ZNF536: variants seen among roughly 807,000 people sequenced by gnomAD.
ZNF536 encodes the protein zinc finger protein 536.
Under a neutral mutation model 84.5 loss-of-function variants are expected in ZNF536, and 13 were observed. The ratio of observed to expected loss-of-function variants is 0.15; its 90% CI spans 0.10 to 0.24. The LOEUF is 0.24. Among genes scored for constraint, ZNF536 ranks in the 10% least tolerant of loss-of-function variants. The probability of loss-of-function intolerance (pLI) is 1.00; values close to 1 mark genes in which losing one functional copy is unlikely to be tolerated. For missense variants in ZNF536, 1,536 were observed against 1,747.5 expected (o/e 0.88, Z 2.16); for synonymous variants, 811 against 742.5 (o/e 1.09, Z -1.50).
chr19:30,633,145 C>T (rs903362802), intron 1 of ZNF536, among the ~76,000 whole-genome samples: 5 of 152,190 alleles, frequency 3.3e-5, no homozygotes, highest in African/African-American at 1.2e-4. Context: ...ATCTTAGATA[C>T]TGGAATGAAA....
intron 1 of ZNF536, among the ~76,000 whole-genome samples, chr19:30,617,254 A>G (rs1426783205): frequency 1.4e-5 from 2 of 145,830 alleles, no homozygotes; most frequent in Non-Finnish European, 3.0e-5. Context: ...CACTAAACCC[A>G]ATGTGTTGTC....
intron 1 of ZNF536, among the ~76,000 whole-genome samples, chr19:30,575,721 G>A (rs183618728): frequency 3.3e-5 from 5 of 152,316 alleles, no homozygotes; most frequent in African/African-American, 1.2e-4. Context: ...AGGGAGTGCC[G>A]GGGGTGCTGC....
intron 1 of ZNF536, among the ~76,000 whole-genome samples, chr19:30,264,662 C>G (rs1231491431): frequency 6.6e-6 from 1 of 152,168 alleles, no homozygotes; most frequent in East Asian, 1.9e-4. Context: ...GACAGACACA[C>G]ACACACCCAC....
At chr19:30,459,121 C>T (rs1254280313) in intron 2 of ZNF536, among the ~76,000 whole-genome samples, 1 of 152,106 alleles carries the variant, frequency 6.6e-6, no homozygotes, top group East Asian at 1.9e-4. Flanking sequence ...CTCCAGTGCT[C>T]AATAGACGTC....
intron 2 of ZNF536, among the ~76,000 whole-genome samples, chr19:30,474,063 AC>A (rs775315822): frequency 1.3e-5 from 2 of 152,196 alleles, no homozygotes; most frequent in African/African-American, 2.4e-5. Context: ...AGGAAGTGAG[AC>A]TTTTGTGATG....
chr19:30,229,578 G>GGT (rs935203603), intron 1 of ZNF536, among the ~76,000 whole-genome samples: 2 of 152,078 alleles, frequency 1.3e-5, no homozygotes, highest in African/African-American at 4.8e-5. Flanking sequence ...TGGTGGGGGG[G>GGT]GCTCAGCTTT....
chr19:30,380,247 A>T (rs2048971455), intron 1 of ZNF536, among the ~76,000 whole-genome samples: 1 of 152,120 alleles, frequency 6.6e-6, no homozygotes, highest in South Asian at 2.1e-4. Context: ...CCAATTAGAC[A>T]ATTGCACCCC....
chr19:30,332,254 T>C (rs1003107455), intron 2 of ZNF536, among the ~76,000 whole-genome samples: 7 of 152,162 alleles, frequency 4.6e-5, no homozygotes, highest in Admixed American at 4.6e-4. Flanking sequence ...TTCCTCACTC[T>C]CCCTCCACCA....
At chr19:30,226,385 G>A (rs1047809155), upstream of ZNF536, among the ~76,000 whole-genome samples, 4 of 151,886 alleles carry the variant, frequency 2.6e-5, no homozygotes, top group African/African-American at 9.7e-5. The surrounding 1 kb of genome is among the most constrained non-coding windows in gnomAD (Gnocchi z 4.6). Context: ...TGGAGAGAGG[G>A]TAATTTGCAA....
intron 1 of ZNF536, among the ~76,000 whole-genome samples, chr19:30,574,176 A>ATACTT (rs1333099035): frequency 6.6e-6 from 1 of 152,214 alleles, no homozygotes; most frequent in East Asian, 1.9e-4. Flanking sequence ...CAGCCTTAAA[A>ATACTT]TACTTTATCT....
At chr19:30,530,724 C>T (rs1396357450) in intron 2 of ZNF536, among the ~76,000 whole-genome samples, 2 of 152,194 alleles carry the variant, frequency 1.3e-5, no homozygotes, top group Non-Finnish European at 2.9e-5. Context: ...AAACCAGTGA[C>T]TGCTTTCTCC....
chr19:30,346,582 G>C (rs1163722964), intron 2 of ZNF536, among the ~76,000 whole-genome samples: 1 of 152,206 alleles, frequency 6.6e-6, no homozygotes, highest in East Asian at 1.9e-4. Flanking sequence ...ATAAGTGAGT[G>C]AGAACATGCA....
chr19:30,275,387 G>A (rs946968616), intron 1 of ZNF536, among the ~76,000 whole-genome samples: 1 of 152,222 alleles, frequency 6.6e-6, no homozygotes, highest in African/African-American at 2.4e-5. Flanking sequence ...TAGGAACCCA[G>A]GTGCAGAATG....
chr19:30,424,025 G>C (rs575251807), intron 1 of ZNF536, among the ~76,000 whole-genome samples: 1 of 152,318 alleles, frequency 6.6e-6, no homozygotes, highest in South Asian at 2.1e-4. Context: ...TTTGCTGGGG[G>C]CCTGGGCTGG....
At chr19:30,345,527 C>A (rs762782223) in intron 2 of ZNF536, among the ~76,000 whole-genome samples, 1 of 152,178 alleles carries the variant, frequency 6.6e-6, no homozygotes, top group Non-Finnish European at 1.5e-5. Context: ...ATGAAGGTGG[C>A]AGGCAACGTG....
intron 2 of ZNF536, among the ~76,000 whole-genome samples, chr19:30,457,006 C>A (rs1309007988): frequency 6.8e-6 from 1 of 147,936 alleles, no homozygotes; most frequent in Non-Finnish European, 1.5e-5. Flanking sequence ...CACACCACTG[C>A]GCTCCAGCCT....
chr19:30,299,027 A>G (rs545490611), intron 2 of ZNF536, among the ~76,000 whole-genome samples: 2 of 152,236 alleles, frequency 1.3e-5, no homozygotes, highest in Non-Finnish European at 2.9e-5. Context: ...TGGGAAAGAA[A>G]AAGACTCTAC....
In ZNF536 at chr19:30,445,512, C is replaced by G. The variant is rs1463835176; in HGVS notation, c.1950C>G (p.Ser650=). The G allele has an allele frequency of 6.2e-7, 1 of 1,614,052 alleles. No individual in the cohort carries two copies. Among genetic ancestry groups the G allele is most frequent in the South Asian group, 1.1e-5 (1 of 91,068 alleles). Residue 650 remains serine, a synonymous_variant, in exon 2 of 5, where the codon TCC becomes TCG. Transcript: ENST00000355537. This position sits in a 1 kb window ranked among gnomAD's most constrained non-coding sequence, Gnocchi z 4.5. Reference sequence around the variant, plus strand: ...CTTACCACCAGGTGGTCGTGCACTCCCGTGTCCACAAGCGGGACCGCAAGG... The same window carrying G: ...CTTACCACCAGGTGGTCGTGCACTCGCGTGTCCACAAGCGGGACCGCAAGG... ...FRTYHQVVVH[S]RVHKRDRKGE...
chr19:30,523,730 C>T (rs2044461243), intron 2 of ZNF536, among the ~76,000 whole-genome samples: 1 of 152,084 alleles, frequency 6.6e-6, no homozygotes, highest in Non-Finnish European at 1.5e-5. Flanking sequence ...GCACCCTTCC[C>T]CTGTGCTGGG....
Sources: gnomAD v4.1 joint callset for allele counts (sites outside exome capture counted in the v4.1 genomes callset) on GRCh38, gnomAD v4.1.1 for gene constraint, Gnocchi (gnomAD v3.1) non-coding constraint, MANE v1.5 for transcripts, NCBI Gene and HGNC (gene_info 2026-07-23, HGNC 2026-07-21) for gene names.